LINGO2: variants seen among roughly 807,000 people sequenced by gnomAD.
The protein encoded by LINGO2 is leucine rich repeat and Ig domain containing 2, also known as leucine-rich repeat and immunoglobulin-like domain-containing nogo receptor-interacting protein 2.
A neutral mutation model predicts 30.6 loss-of-function variants in LINGO2; 14 were observed. The observed-to-expected ratio is 0.46, with a 90% CI of 0.30 to 0.72. The LOEUF is 0.72. Among genes scored for constraint, LINGO2 ranks in the 30% least tolerant of loss-of-function variants. LINGO2 has a pLI of 0.07. For missense variants in LINGO2, 729 were observed against 751.7 expected, an observed-to-expected ratio of 0.97 and a Z score of 0.35; for synonymous variants, 317 against 288.5, an observed-to-expected ratio of 1.10 and a Z score of -1.00.
exon 6 of LINGO2, chr9:27,950,401 T>C (rs537295447): frequency 6.2e-7 from 1 of 1,614,182 alleles, no homozygotes; most frequent in Non-Finnish European, 8.5e-7. Flanking sequence ...GCAATGATGT[T>C]GTCACTCAAG....
At chr9:29,069,742 C>G in the LINGO2 span, among the ~76,000 whole-genome samples, 3 of 151,996 alleles carry the variant, frequency 2.0e-5, no homozygotes, top group Non-Finnish European at 4.4e-5. Context: ...TTCAAAAACA[C>G]AGCAAAGGAT....
chr9:28,918,049 C>G, the LINGO2 span, among the ~76,000 whole-genome samples: 1 of 152,018 alleles, frequency 6.6e-6, no homozygotes, highest in Non-Finnish European at 1.5e-5. Context: ...TTCCAGTCAT[C>G]CCTTACAGAT....
At chr9:28,674,512 C>A (rs975927071), upstream of LINGO2, among the ~76,000 whole-genome samples, 5 of 152,004 alleles carry the variant, frequency 3.3e-5, no homozygotes, top group African/African-American at 1.2e-4. Flanking sequence ...GACTTGAAAA[C>A]CCCTGCTTTA....
chr9:29,211,031 T>G, the LINGO2 span, among the ~76,000 whole-genome samples: 3 of 152,236 alleles, frequency 2.0e-5, no homozygotes, highest in Admixed American at 1.3e-4. Flanking sequence ...TTTTCACCAA[T>G]GATGGATCTC....
At chr9:28,786,355 C>G in the LINGO2 span, among the ~76,000 whole-genome samples, 3 of 152,072 alleles carry the variant, frequency 2.0e-5, no homozygotes, top group Non-Finnish European at 2.9e-5. Flanking sequence ...GGTAATTCAC[C>G]AGATGTAAGT....
rs1346237069 is a variant in LINGO2 at position 28,647,921 on chromosome 9, A to G, written c.-365+22279T>C. 5.7e-5 allele frequency among the ~76,000 whole-genome samples: 8 copies of G among 139,418 alleles called. 1 individual carries two copies. The highest frequency in any genetic ancestry group is 2.1e-4 in the African/African-American group (8 of 37,598). The allele number at this position is 139,418 out of a possible 152,430, so 91.5% of individuals were successfully genotyped here. A position where few individuals can be genotyped will look rare whatever the true frequency, so the allele number is the denominator to read the frequency against. On this transcript the variant is annotated intron_variant, in intron 1 of 5. Transcript: ENST00000379992. ...TTTTTTTTTTTTTTTTACTCCTTAC[A>G]TAGCTTGTGGTTAATCAACCCTAGC... is the stretch of plus-strand genomic sequence containing the variant.
chr9:28,834,783 T>A, the LINGO2 span, among the ~76,000 whole-genome samples: 2 of 152,166 alleles, frequency 1.3e-5, no homozygotes, highest in African/African-American at 4.8e-5. Context: ...ACACTGAATT[T>A]TACATTTATT....
At chr9:28,184,461 T>A (rs1353138925) in intron 4 of LINGO2, among the ~76,000 whole-genome samples, 1 of 152,066 alleles carries the variant, frequency 6.6e-6, no homozygotes, top group Admixed American at 6.6e-5. Context: ...AAATTTTACC[T>A]TTGAAACTGA....
chr9:29,120,755 T>A, the LINGO2 span, among the ~76,000 whole-genome samples: 1,326 of 152,284 alleles, frequency 8.7e-3, 23 homozygotes, highest in African/African-American at 0.03. Context: ...CAAATGGACT[T>A]GAACCAGACC....
chr9:28,290,264 T>C (rs566196014), intron 4 of LINGO2, among the ~76,000 whole-genome samples: 2 of 152,170 alleles, frequency 1.3e-5, no homozygotes, highest in Admixed American at 6.5e-5. Flanking sequence ...TAGCGCTGTA[T>C]TAAGTATTGG....
At chr9:28,529,267 G>T (rs1821141090) in intron 1 of LINGO2, among the ~76,000 whole-genome samples, 1 of 152,060 alleles carries the variant, frequency 6.6e-6, no homozygotes. Flanking sequence ...ATCTGAAATG[G>T]AATTCAGCAT....
intron 4 of LINGO2, among the ~76,000 whole-genome samples, chr9:28,233,873 G>A (rs1357572058): frequency 6.6e-6 from 1 of 152,114 alleles, no homozygotes; most frequent in Non-Finnish European, 1.5e-5. Flanking sequence ...GAAGGGCCTG[G>A]TCTTGGCAGA....
rs147319477 is a variant in LINGO2 at position 28,572,788 on chromosome 9, A to G, written c.-364-96763T>C. On this transcript the variant is annotated intron_variant, in intron 1 of 5. Transcript: ENST00000379992. ...GACTCATATCTGAATACTTAGTGCA[A>G]TAATTGAATTCCAATAACCTCTGCA... is the stretch of plus-strand genomic sequence containing the variant. Among the ~76,000 whole-genome samples, 264 of 152,272 alleles carry G rather than the reference A, an allele frequency of 1.7e-3. 2 individuals carry two copies. The highest frequency in any genetic ancestry group is 3.0e-3 in the Non-Finnish European group (206 of 67,994).
At chr9:28,712,410 C>G in the LINGO2 span, among the ~76,000 whole-genome samples, 1 of 151,408 alleles carries the variant, frequency 6.6e-6, no homozygotes, top group Non-Finnish European at 1.5e-5. Flanking sequence ...TACAAAGCAT[C>G]TTAGGGAGCC....
At chr9:28,217,346 A>G (rs1236048623) in intron 4 of LINGO2, among the ~76,000 whole-genome samples, 1 of 151,860 alleles carries the variant, frequency 6.6e-6, no homozygotes, top group Non-Finnish European at 1.5e-5. Flanking sequence ...ATTGGGGTTA[A>G]TACACTGTTA....
At chr9:28,424,800 T>C (rs1394008143) in intron 2 of LINGO2, among the ~76,000 whole-genome samples, 1 of 152,124 alleles carries the variant, frequency 6.6e-6, no homozygotes, top group Admixed American at 6.6e-5. Flanking sequence ...GAGTTCCATA[T>C]GTAAGAATCA....
the LINGO2 span, among the ~76,000 whole-genome samples, chr9:29,132,107 C>T: frequency 1.3e-5 from 2 of 151,748 alleles, no homozygotes; most frequent in Non-Finnish European, 2.9e-5. Flanking sequence ...TCCCTTGATC[C>T]CCAATAGGTA....
At chr9:28,187,968 T>G (rs530392257) in intron 4 of LINGO2, among the ~76,000 whole-genome samples, 29 of 152,336 alleles carry the variant, frequency 1.9e-4, no homozygotes, top group African/African-American at 7.0e-4. Flanking sequence ...TCCCTTGTTC[T>G]CGTCACCTCA....
chr9:28,541,891 A>G (rs542873049), intron 1 of LINGO2, among the ~76,000 whole-genome samples: 2 of 152,262 alleles, frequency 1.3e-5, no homozygotes, highest in East Asian at 3.9e-4. Flanking sequence ...AACATATCTT[A>G]GTAACTTAAG....
Sources: allele counts gnomAD v4.1 joint callset (sites outside exome capture counted in the v4.1 genomes callset), GRCh38; gene constraint gnomAD v4.1.1; transcripts MANE v1.5; gene names NCBI Gene and HGNC (gene_info 2026-07-23, HGNC 2026-07-21).